Variants in KDM3A observed in about 807,000 individuals in gnomAD.
The protein encoded by KDM3A is lysine-specific demethylase 3A.
Under a neutral mutation model 158.0 loss-of-function variants are expected in KDM3A, and 60 were observed. The ratio of observed to expected loss-of-function variants is 0.38; its 90% CI spans 0.31 to 0.47. The LOEUF (loss-of-function observed/expected upper bound fraction) is 0.47, where lower values mean the gene tolerates loss of function less well. Ranked by LOEUF, KDM3A falls within the 20% of genes least tolerant of loss-of-function variation. The probability of loss-of-function intolerance (pLI) is 0.99; values close to 1 mark genes in which losing one functional copy is unlikely to be tolerated. For missense variants in KDM3A, 1,319 were observed against 1,574.3 expected (o/e 0.84, Z 2.74); for synonymous variants, 608 against 549.3 (o/e 1.11, Z -1.49).
At chr2:86,470,139 A>G in intron 10 of KDM3A, 65 bp from the exon 11 acceptor site, 1 of 1,284,840 alleles carries the variant, frequency 7.8e-7, no homozygotes, top group Admixed American at 1.7e-5. Context: ...AATAGAATTC[A>G]GTCATATATG....
At chr2:86,473,718 C>T (rs1673519037) in intron 11 of KDM3A, among the ~76,000 whole-genome samples, 1 of 152,268 alleles carries the variant, frequency 6.6e-6, no homozygotes, top group African/African-American at 2.4e-5. Context: ...CACTGTACTC[C>T]AGCCTGGGCA....
chr2:86,451,268 C>T, intron 4 of KDM3A, 55 bp downstream of exon 4: 1 of 1,154,302 alleles, frequency 8.7e-7, no homozygotes, highest in Non-Finnish European at 1.2e-6. Flanking sequence ...ACTCCTTTAA[C>T]ATGAGAAGTA....
At chr2:86,454,882 C>T (rs1035631337) in intron 4 of KDM3A, among the ~76,000 whole-genome samples, 14 of 152,276 alleles carry the variant, frequency 9.2e-5, no homozygotes, top group Middle Eastern at 3.4e-3. Context: ...TTACTTCAGT[C>T]TGCCTTATAG....
intron 10 of KDM3A, among the ~76,000 whole-genome samples, chr2:86,468,872 C>T (rs1673276135): frequency 6.6e-6 from 1 of 152,136 alleles, no homozygotes; most frequent in Non-Finnish European, 1.5e-5. Context: ...TGTTGCTCTC[C>T]TCAGTAAAGA....
At chr2:86,491,917 A>G (rs1674475083) in intron 25 of KDM3A, 122 bp from the exon 26 acceptor site, 2 of 671,046 alleles carry the variant, frequency 3.0e-6, no homozygotes, top group South Asian at 1.9e-5. Flanking sequence ...TTGACATTTC[A>G]TACGAATATT....
Position 86,478,103 on chromosome 2 carries a change from C to T in KDM3A, c.2093-67C>T, listed in dbSNP as rs536618468. On this transcript the variant is annotated intron_variant, in intron 13 of 25. Transcript: ENST00000312912. ...AGTGTTTTTGTTGATTTGTGTTTGG[C>T]GGGTTTCTTGAAGCATGTGGAGACA... 53 of 1,607,926 alleles carry T rather than the reference C, an allele frequency of 3.3e-5. No homozygotes were observed. The East Asian group carries it at 8.5e-4, about 26-fold the overall frequency.
At chr2:86,484,528 A>G (rs1458755114) in intron 19 of KDM3A, among the ~76,000 whole-genome samples, 2 of 152,156 alleles carry the variant, frequency 1.3e-5, no homozygotes. Context: ...CTTCTTCTGG[A>G]ACACTGTAGA....
intron 3 of KDM3A, among the ~76,000 whole-genome samples, chr2:86,450,733 T>TG (rs1158355006): frequency 3.3e-5 from 5 of 152,180 alleles, no homozygotes; most frequent in African/African-American, 4.8e-5. Flanking sequence ...ATGAGGGTTG[T>TG]GGTTAAAGTT....
chr2:86,437,501 C>T (rs368676603), upstream of KDM3A, among the ~76,000 whole-genome samples: 3 of 152,250 alleles, frequency 2.0e-5, no homozygotes, highest in East Asian at 5.8e-4. Flanking sequence ...ATAGTTTATT[C>T]TTTACACCCA....
intron 8 of KDM3A, among the ~76,000 whole-genome samples, chr2:86,457,415 A>G (rs2104646184): frequency 6.6e-6 from 1 of 152,260 alleles, no homozygotes; most frequent in East Asian, 1.9e-4. Context: ...GATTACAGTC[A>G]TGAGTGAGCT....
At chr2:86,447,456 C>CT (rs150625957) in intron 2 of KDM3A, among the ~76,000 whole-genome samples, 27,274 of 134,488 alleles carry the variant, frequency 0.2, 3,170 homozygotes, top group African/African-American at 0.34. Context: ...TAATTCTGCA[C>CT]TTTTTTTTTT....
At chr2:86,477,424 T>A (rs989820579) in intron 12 of KDM3A, among the ~76,000 whole-genome samples, 1 of 152,202 alleles carries the variant, frequency 6.6e-6, no homozygotes, top group Non-Finnish European at 1.5e-5. Flanking sequence ...CAGTGCAGAT[T>A]ACTGGGTTTG....
In KDM3A at chr2:86,450,923, G is replaced by A. The variant is rs982942987; in HGVS notation, c.343-180G>A. On this transcript the variant is annotated intron_variant, in intron 3 of 25. Transcript: ENST00000312912. The stretch of plus-strand genomic sequence containing the variant: ...AAATGTCTATCTGGTTTAAATTATT[G>A]GGTTTGAATAAAAATTGTATTATCT... Among the ~76,000 whole-genome samples, 5 of 152,030 alleles carry A rather than the reference G, an allele frequency of 3.3e-5. No individual in the cohort carries two copies. In the East Asian group the frequency reaches 9.6e-4, roughly 29 times the overall value.
chr2:86,473,927 C>T (rs1325171625), intron 11 of KDM3A, among the ~76,000 whole-genome samples: 17 of 152,198 alleles, frequency 1.1e-4, no homozygotes, highest in African/African-American at 7.2e-5. Flanking sequence ...GAAGCTTGGA[C>T]GGTAACGTGC....
At chr2:86,462,426 T>C (rs1254910246) in intron 8 of KDM3A, among the ~76,000 whole-genome samples, 2 of 152,158 alleles carry the variant, frequency 1.3e-5, no homozygotes, top group Non-Finnish European at 1.5e-5. Flanking sequence ...CATTAAACTT[T>C]GGGAGACTAA....
intron 9 of KDM3A, among the ~76,000 whole-genome samples, 159 bp downstream of exon 9, chr2:86,464,375 C>A (rs1487418456): frequency 1.3e-5 from 2 of 151,964 alleles, no homozygotes; most frequent in Non-Finnish European, 2.9e-5. Flanking sequence ...ATAGAAGGCA[C>A]ACAGAGCAAC....
intron 4 of KDM3A, among the ~76,000 whole-genome samples, chr2:86,454,009 C>T (rs1320187740): frequency 3.9e-5 from 6 of 152,132 alleles, no homozygotes; most frequent in African/African-American, 1.4e-4. Flanking sequence ...GGTGTGCACA[C>T]AAAGCCAGAA....
chr2:86,450,952 G>A lies in KDM3A; in HGVS notation c.343-151G>A, dbSNP rs560700053. On this transcript the variant is annotated intron_variant, in intron 3 of 25. Coordinates refer to ENST00000312912, the MANE Select transcript of KDM3A (RefSeq NM_018433.6). The stretch of plus-strand genomic sequence containing the variant: ...TTGAATAAAAATTGTATTATCTATG[G>A]CTGCATAAATAGTTGTTATGAGATA... The A allele has an allele frequency of 3.6e-5, 20 of 557,166 alleles. No individual in the cohort carries two copies. The East Asian group carries it at 4.7e-4, about 13-fold the overall frequency. 34.5% of individuals were successfully genotyped at this position (557,166 alleles called of 1,614,324 possible). A position where few individuals can be genotyped will look rare whatever the true frequency, so the allele number is the denominator to read the frequency against.
At position 86,484,926 on chromosome 2, in the gene KDM3A, T is replaced by C. The variant is rs780251934; in HGVS notation, c.3095-16T>C. ...TGAATTATAAATAGTAATAGTTCAT[T>C]CTGTTTACCTTTCAGATCGTTTGAA... On this transcript the variant is annotated splice_polypyrimidine_tract_variant and intron_variant, in intron 19 of 25. Transcript: ENST00000312912. The C allele has an allele frequency of 1.3e-6, 2 of 1,513,000 alleles. No homozygotes were observed. The highest frequency in any genetic ancestry group is 2.3e-5 in the South Asian group (2 of 88,596). The allele number at this position is 1,513,000 out of a possible 1,614,324, so 93.7% of individuals were successfully genotyped here.
Sources: gnomAD v4.1 joint callset for allele counts (sites outside exome capture counted in the v4.1 genomes callset) on GRCh38, gnomAD v4.1.1 for gene constraint, MANE v1.5 for transcripts, NCBI Gene and HGNC (gene_info 2026-07-23, HGNC 2026-07-21) for gene names.